Variants in PITPNB observed in about 807,000 individuals in gnomAD.
The protein encoded by PITPNB is phosphatidylinositol transfer protein beta isoform.
A neutral mutation model predicts 45.9 loss-of-function variants in PITPNB; 16 were observed. That is an observed-to-expected ratio of 0.35 (90% CI 0.24 to 0.53). The LOEUF (loss-of-function observed/expected upper bound fraction) is 0.53, where lower values mean the gene tolerates loss of function less well. Ranked by LOEUF, PITPNB falls within the 20% of genes least tolerant of loss-of-function variation. The pLI is 0.93. For synonymous variants in PITPNB, 112 were observed against 108.9 expected, an observed-to-expected ratio of 1.03 and a Z score of -0.18; for missense variants, 188 against 330.5, an observed-to-expected ratio of 0.57 and a Z score of 3.34.
chr22:27,896,634 A>AAAC lies in PITPNB; in HGVS notation c.298-11_298-9dup. Reference sequence around the variant, plus strand: ...ATCTTTCATATATTCATTCTGCAGAAAACACAACAGGAAAATGACAGTGAT... The same window carrying AAAC: ...ATCTTTCATATATTCATTCTGCAGAAAACAACACAACAGGAAAATGACAGTGAT... On this transcript the variant is annotated splice_polypyrimidine_tract_variant and intron_variant, in intron 5 of 11. Transcript: ENST00000335272. 1 of 1,585,242 alleles carries AAAC rather than the reference A, an allele frequency of 6.3e-7. No individual in the cohort carries two copies. The highest frequency in any genetic ancestry group is 8.7e-7 in the Non-Finnish European group (1 of 1,153,742).
intron 3 of PITPNB, among the ~76,000 whole-genome samples, chr22:27,898,426 GTT>G (rs956443373): frequency 1.4e-5 from 2 of 143,092 alleles, no homozygotes; most frequent in Non-Finnish European, 1.5e-5. Flanking sequence ...TGTGTGTGTG[GTT>G]TTTTTTTTTT....
At chr22:27,855,898 G>A (rs113973389) in intron 10 of PITPNB, among the ~76,000 whole-genome samples, 167 of 152,318 alleles carry the variant, frequency 1.1e-3, no homozygotes, top group African/African-American at 3.5e-3. Flanking sequence ...AAATTTCTGC[G>A]TGTGAAGAGG....
chr22:27,914,770 C>A (rs898439208), intron 1 of PITPNB, among the ~76,000 whole-genome samples: 1 of 152,180 alleles, frequency 6.6e-6, no homozygotes, highest in African/African-American at 2.4e-5. Flanking sequence ...TTACAGAATA[C>A]GTGTCTTGAA....
intron 1 of PITPNB, among the ~76,000 whole-genome samples, chr22:27,914,611 G>A (rs542788167): frequency 6.6e-6 from 1 of 152,226 alleles, no homozygotes; most frequent in East Asian, 1.9e-4. Context: ...ATTCTTGTGA[G>A]TAAAGAAAAA....
intron 8 of PITPNB, among the ~76,000 whole-genome samples, chr22:27,871,772 C>G (rs915091034): frequency 6.6e-5 from 10 of 152,076 alleles, no homozygotes; most frequent in African/African-American, 2.4e-4. Context: ...AAATGTAATC[C>G]CCAATGTTGA....
intron 7 of PITPNB, among the ~76,000 whole-genome samples, chr22:27,890,357 ATT>A (rs35291498): frequency 0.037 from 5,508 of 148,330 alleles, 149 homozygotes; most frequent in African/African-American, 0.07. Context: ...TACTGGAATT[ATT>A]TTTTTTTTTT....
At chr22:27,858,635 G>C (rs1318439905) in intron 9 of PITPNB, 126 bp from the exon 10 acceptor site, 4 of 626,088 alleles carry the variant, frequency 6.4e-6, no homozygotes, top group Middle Eastern at 8.7e-4. Flanking sequence ...CTACTCTGTA[G>C]ATTTGTGGAA....
chr22:27,853,445 AGT>A lies in PITPNB; in HGVS notation c.*255_*256del. 1 of 614,068 alleles carries A rather than the reference AGT, an allele frequency of 1.6e-6. No homozygotes were observed. The highest frequency in any genetic ancestry group is 2.9e-6 in the Non-Finnish European group (1 of 340,196). 38.0% of individuals were successfully genotyped at this position (614,068 alleles called of 1,614,324 possible). A position where few individuals can be genotyped will look rare whatever the true frequency, so the allele number is the denominator to read the frequency against. On this transcript the variant is annotated 3_prime_UTR_variant, in exon 12 of 12. Transcript: ENST00000335272. Reference sequence around the variant, plus strand: ...ATGTCTGTATGTACATATATACACAAGTGTGTGTATCTGGATCTGTAGCTCTA... The same window carrying A: ...ATGTCTGTATGTACATATATACACAAGTGTGTATCTGGATCTGTAGCTCTA...
intron 7 of PITPNB, among the ~76,000 whole-genome samples, chr22:27,880,623 C>T (rs1217819714): frequency 6.6e-6 from 1 of 151,936 alleles, no homozygotes; most frequent in Non-Finnish European, 1.5e-5. Context: ...CTTGTACACA[C>T]CGATTTTTTT....
rs1180817778 is a variant in PITPNB at position 27,919,237 on chromosome 22, C to A, written c.-46G>T. The A allele has an allele frequency of 6.5e-7, 1 of 1,528,134 alleles. No individual in the cohort carries two copies. The allele number at this position is 1,528,134 out of a possible 1,614,324, so 94.7% of individuals were successfully genotyped here. Reference sequence around the variant, plus strand: ...GCTGCCGCCGATACCACCGCCGCCGCCGCCGCTACCGCCTCTCACAGCGCC... The same window carrying A: ...GCTGCCGCCGATACCACCGCCGCCGACGCCGCTACCGCCTCTCACAGCGCC... On this transcript the variant is annotated 5_prime_UTR_variant, in exon 1 of 12. Coordinates refer to ENST00000335272, the MANE Select transcript of PITPNB (RefSeq NM_012399.5).
At position 27,855,335 on chromosome 22, in the gene PITPNB, G is replaced by A. The variant is rs892439506; in HGVS notation, c.769-396C>T. On this transcript the variant is annotated intron_variant, in intron 10 of 11. Transcript: ENST00000335272. ...GGCCACACCTCTTTGCTGCTTCTGA[G>A]AACAGGGTCTCTCAGTGGAGTCCTT... Among the ~76,000 whole-genome samples the A allele has an allele frequency of 9.7e-4, 147 of 152,316 alleles. 1 individual carries two copies. The highest frequency in any genetic ancestry group is 3.4e-3 in the African/African-American group (140 of 41,572).
intron 7 of PITPNB, among the ~76,000 whole-genome samples, chr22:27,888,604 T>TA (rs1935189947): frequency 6.6e-6 from 1 of 152,168 alleles, no homozygotes; most frequent in South Asian, 2.1e-4. Flanking sequence ...GCCTACTCTG[T>TA]AAAAAGGGAA....
intron 7 of PITPNB, among the ~76,000 whole-genome samples, chr22:27,889,296 C>G (rs951803878): frequency 2.0e-5 from 3 of 152,104 alleles, no homozygotes; most frequent in Non-Finnish European, 4.4e-5. Context: ...GATGGTACAC[C>G]TGTACCTTCA....
intron 7 of PITPNB, among the ~76,000 whole-genome samples, chr22:27,880,809 A>AG (rs1487670710): frequency 1.3e-5 from 2 of 152,028 alleles, no homozygotes; most frequent in Non-Finnish European, 2.9e-5. Context: ...TTTAGTAGAG[A>AG]GGGGGTTTCT....
In PITPNB at chr22:27,917,824, G is replaced by A. The variant is rs80063799; in HGVS notation, c.20+1348C>T. Among the ~76,000 whole-genome samples, 1,467 of 152,286 alleles carry A rather than the reference G, an allele frequency of 9.6e-3. 29 individuals carry two copies. Among genetic ancestry groups the A allele is most frequent in the African/African-American group, 0.034 (1,405 of 41,544 alleles). On this transcript the variant is annotated intron_variant, in intron 1 of 11. Transcript: ENST00000335272. ...AAATTGTATTGGCATGTTGGATGGT[G>A]ATAAGTACTATGGAGACCGATAAAG...
chr22:27,916,187 C>A (rs1936070129), intron 1 of PITPNB, among the ~76,000 whole-genome samples: 1 of 152,148 alleles, frequency 6.6e-6, no homozygotes, highest in South Asian at 2.1e-4. Context: ...CAAGGAAATT[C>A]TTTCAAAAAA....
intron 7 of PITPNB, among the ~76,000 whole-genome samples, chr22:27,884,482 C>A (rs1935061362): frequency 6.6e-6 from 1 of 152,240 alleles, no homozygotes; most frequent in South Asian, 2.1e-4. Flanking sequence ...TCAATCAGGG[C>A]ATACCCTGCA....
At chr22:27,863,871 T>G (rs1344799008) in intron 8 of PITPNB, among the ~76,000 whole-genome samples, 1 of 152,332 alleles carries the variant, frequency 6.6e-6, no homozygotes, top group South Asian at 2.1e-4. Flanking sequence ...TCAAATCAAT[T>G]AATACTGGTA....
intron 3 of PITPNB, among the ~76,000 whole-genome samples, chr22:27,905,549 T>C (rs573120518): frequency 6.6e-6 from 1 of 152,358 alleles, no homozygotes; most frequent in Admixed American, 6.5e-5. Context: ...TTTTTAAACA[T>C]AATTTAAGTT....
Sources: allele counts gnomAD v4.1 joint callset (sites outside exome capture counted in the v4.1 genomes callset), GRCh38; gene constraint gnomAD v4.1.1; transcripts MANE v1.5; gene names NCBI Gene and HGNC (gene_info 2026-07-23, HGNC 2026-07-21).